Variants in SEC31A observed in about 807,000 individuals in gnomAD.
SEC31A encodes the protein SEC31 homolog A, COPII component, also known as protein transport protein Sec31A.
In SEC31A, 70 loss-of-function variants were observed where a neutral mutation model predicts 151.0. The observed-to-expected ratio is 0.46, with a 90% CI of 0.38 to 0.57. The LOEUF is 0.57. SEC31A is among the 20% of genes least tolerant of loss of function. SEC31A has a pLI of 0.00. For synonymous variants in SEC31A, 475 were observed against 505.9 expected (o/e 0.94, Z 0.82); for missense variants, 1,330 against 1,471.2 (o/e 0.90, Z 1.57).
chr4:82,878,968 C>A (rs778449243), intron 3 of SEC31A, 40 bp from the exon 4 acceptor site: 15 of 1,486,772 alleles, frequency 1.0e-5, no homozygotes, highest in Middle Eastern at 1.7e-4. Flanking sequence ...TTCTTAAAGT[C>A]AAATAAATGT....
At chr4:82,891,169 C>A, upstream of SEC31A, 1 of 1,535,368 alleles carries the variant, frequency 6.5e-7, no homozygotes, top group Non-Finnish European at 8.7e-7. Flanking sequence ...CGCCCCTCCT[C>A]CCCGGCCAGG....
intron 20 of SEC31A, chr4:82,845,154 T>C: frequency 8.0e-7 from 1 of 1,254,276 alleles, no homozygotes; most frequent in Non-Finnish European, 1.1e-6. Flanking sequence ...TAACTGTATA[T>C]TTAGGTGAGC....
At chr4:82,867,616 A>G (rs955528949) in intron 8 of SEC31A, among the ~76,000 whole-genome samples, 16 of 152,074 alleles carry the variant, frequency 1.1e-4, no homozygotes, top group Admixed American at 9.2e-4. Context: ...AGACCAGCAC[A>G]CTCTATTAGA....
At chr4:82,867,093 A>C in intron 9 of SEC31A, 62 bp downstream of exon 9, 1 of 1,558,996 alleles carries the variant, frequency 6.4e-7, no homozygotes, top group Non-Finnish European at 8.8e-7. Flanking sequence ...TCATTTCAAA[A>C]TATTACACAA....
rs1325985406 is a variant in SEC31A at position 82,851,523 on chromosome 4, A to G, written c.2236T>C (p.Leu746=). 1 of 1,614,134 alleles carries G rather than the reference A, an allele frequency of 6.2e-7. No homozygotes were observed. The highest frequency in any genetic ancestry group is 8.5e-7 in the Non-Finnish European group (1 of 1,179,960). Residue 746 remains leucine (L), a synonymous_variant, in exon 19 of 27, where the codon TTG becomes CTG. Coordinates refer to ENST00000395310, the MANE Select transcript of SEC31A (RefSeq NM_001077207.4). ...GCATACTGACTCATCTTCGCAGCCA[A>G]GAGAACTCCTACAGTACTAGTGTCC... ...AMDTSTVGVL[L]AAKMSQYANL...
intron 11 of SEC31A, among the ~76,000 whole-genome samples, chr4:82,863,645 C>T (rs1436231224): frequency 6.6e-6 from 1 of 151,880 alleles, no homozygotes; most frequent in Non-Finnish European, 1.5e-5. Context: ...AGTAAATATA[C>T]TAGTAATTAA....
chr4:82,870,482 C>T, intron 7 of SEC31A, 58 bp from the exon 8 acceptor site: 1 of 1,300,990 alleles, frequency 7.7e-7, no homozygotes, highest in Non-Finnish European at 1.1e-6. Flanking sequence ...CAAATCTCAA[C>T]TATTTCTGCC....
intron 10 of SEC31A, 83 bp from the exon 11 acceptor site, chr4:82,864,681 A>C: frequency 2.0e-6 from 2 of 992,984 alleles, no homozygotes; most frequent in Middle Eastern, 2.8e-4. Flanking sequence ...CTAAACAGAT[A>C]ATCTGGATGA....
At chr4:82,876,765 C>T (rs1040905423) in intron 4 of SEC31A, among the ~76,000 whole-genome samples, 4 of 152,206 alleles carry the variant, frequency 2.6e-5, no homozygotes, top group Non-Finnish European at 5.9e-5. Context: ...GCTTCATATA[C>T]TGACCTTCAT....
chr4:82,852,587 T>A (rs992770839), intron 18 of SEC31A, among the ~76,000 whole-genome samples: 39 of 80,928 alleles, frequency 4.8e-4, no homozygotes, highest in African/African-American at 2.9e-3. Flanking sequence ...TTCCTACCCA[T>A]TTTTTTTGTT....
At chr4:82,890,807 G>A in intron 1 of SEC31A, 1 of 1,297,490 alleles carries the variant, frequency 7.7e-7, no homozygotes, top group South Asian at 2.1e-5. Context: ...TTACCAGCCC[G>A]GCTACTACTC....
intron 24 of SEC31A, among the ~76,000 whole-genome samples, chr4:82,825,205 G>A: frequency 6.6e-6 from 1 of 152,198 alleles, no homozygotes; most frequent in East Asian, 1.9e-4. Context: ...GAACAAAGAA[G>A]AAATGTTTAA....
At chr4:82,895,850 A>C (rs1248385072), upstream of SEC31A, 1 of 152,208 alleles carries the variant, frequency 6.6e-6, no homozygotes, top group Non-Finnish European at 1.5e-5. Flanking sequence ...TTCTTTTTCT[A>C]TTATGTCCTC....
rs771701574 is a variant in SEC31A, at chr4:82,880,749, G to A, written c.203+50C>T. The A allele has an allele frequency of 4.0e-6, 6 of 1,493,662 alleles. No homozygotes were observed. In the East Asian group the frequency reaches 9.1e-5, roughly 23 times the overall value. 92.5% of individuals were successfully genotyped at this position (1,493,662 alleles called of 1,614,324 possible). A position where few individuals can be genotyped will look rare whatever the true frequency, so the allele number is the denominator to read the frequency against. On this transcript the variant is annotated intron_variant, in intron 3 of 26. Transcript: ENST00000395310. ...TAATTATAGACAAATTAGGAATCAA[G>A]AACAATATATAATTAAATAATCACA... is the stretch of plus-strand genomic sequence containing the variant.
In SEC31A at chr4:82,830,446, C is replaced by T. The variant is rs191134090; in HGVS notation, c.2969-1388G>A. Among the ~76,000 whole-genome samples the T allele has an allele frequency of 4.6e-5, 7 of 152,066 alleles. No individual in the cohort carries two copies. In the East Asian group the frequency reaches 7.7e-4, roughly 17 times the overall value. ...CTGTACTTCAGCCTGGGTGACAGAA[C>T]GAGACTCCGTCTCAAAAAAGTAAAA... On this transcript the variant is annotated intron_variant, in intron 22 of 26. Coordinates refer to ENST00000395310, the MANE Select transcript of SEC31A (RefSeq NM_001077207.4).
chr4:82,875,561 T>C (rs768877137), intron 5 of SEC31A, among the ~76,000 whole-genome samples, 166 bp downstream of exon 5: 17 of 152,186 alleles, frequency 1.1e-4, no homozygotes, highest in Middle Eastern at 3.2e-3. Flanking sequence ...CACTGATACT[T>C]TGAAGAAACA....
At chr4:82,866,062 T>C (rs1289036741) in intron 10 of SEC31A, among the ~76,000 whole-genome samples, 2 of 129,904 alleles carry the variant, frequency 1.5e-5, no homozygotes, top group East Asian at 2.2e-4. Context: ...GGACACTCCC[T>C]GCAAAAAGAA....
chr4:82,837,189 ATATATATATAATT>A (rs1727554434), intron 22 of SEC31A, among the ~76,000 whole-genome samples: 1 of 53,632 alleles, frequency 1.9e-5, no homozygotes, highest in Non-Finnish European at 5.7e-5. Context: ...ATATATATAT[ATATATATATAATT>A]TCACCACAAT....
At chr4:82,875,858 A>ATATTATTTTAAAAATTATATGG in intron 4 of SEC31A, 36 bp from the exon 5 acceptor site, 1 of 1,130,924 alleles carries the variant, frequency 8.8e-7, no homozygotes, top group Non-Finnish European at 1.3e-6. Flanking sequence ...AGCACTTATG[A>ATATTATTTTAAAAATTATATGG]ATAATTAAGA....
Sources: gnomAD v4.1 joint callset for allele counts (sites outside exome capture counted in the v4.1 genomes callset) on GRCh38, gnomAD v4.1.1 for gene constraint, MANE v1.5 for transcripts, NCBI Gene and HGNC (gene_info 2026-07-23, HGNC 2026-07-21) for gene names.